The following CPE variants were observed in gnomAD, a reference collection of about 807,000 sequenced individuals.
The protein encoded by CPE is carboxypeptidase E, also known as carbocypeptidase E.
A neutral mutation model predicts 53.5 loss-of-function variants in CPE; 17 were observed. The observed-to-expected ratio is 0.32, with a 90% CI of 0.22 to 0.48. CPE has a LOEUF of 0.48. Among genes scored for constraint, CPE ranks in the 20% least tolerant of loss-of-function variants. CPE has a pLI of 0.99. For synonymous variants in CPE, 226 were observed against 228.8 expected, an observed-to-expected ratio of 0.99 and a Z score of 0.11; for missense variants, 524 against 614.7, an observed-to-expected ratio of 0.85 and a Z score of 1.56.
intron 1 of CPE, chr4:165,405,623 T>G (rs1730940822): frequency 1.3e-6 from 1 of 788,490 alleles, no homozygotes; most frequent in Admixed American, 1.7e-5. Context: ...AGCTAGTCCT[T>G]TGGGAAAGTA....
At chr4:165,470,876 G>T (rs909588046) in intron 3 of CPE, among the ~76,000 whole-genome samples, 1 of 152,094 alleles carries the variant, frequency 6.6e-6, no homozygotes, top group African/African-American at 2.4e-5. Flanking sequence ...GGCTCCATGG[G>T]TTGGTAAAAA....
chr4:165,484,138 G>A (rs1732462976), intron 4 of CPE, among the ~76,000 whole-genome samples: 1 of 151,854 alleles, frequency 6.6e-6, no homozygotes, highest in Non-Finnish European at 1.5e-5. Context: ...ATTCTCCCAG[G>A]CCTAGTTTAC....
chr4:165,456,234 C>T (rs115819607), intron 1 of CPE, among the ~76,000 whole-genome samples: 2 of 151,978 alleles, frequency 1.3e-5, no homozygotes, highest in South Asian at 4.1e-4. Flanking sequence ...AAATTTTCTT[C>T]ATTGATTTAT....
chr4:165,415,313 G>A (rs11732583), intron 1 of CPE: 49,318 of 166,794 alleles, frequency 0.3, 7,499 homozygotes, highest in Middle Eastern at 0.4. Context: ...GTGTCAGAAC[G>A]GATTTGGATT....
intron 1 of CPE, among the ~76,000 whole-genome samples, chr4:165,438,157 G>A (rs888998038): frequency 1.3e-5 from 2 of 152,164 alleles, no homozygotes; most frequent in African/African-American, 2.4e-5. Context: ...GGCAAGATCA[G>A]TTCTGGAGGT....
chr4:165,400,027 T>TACA (rs1220361723), intron 1 of CPE, among the ~76,000 whole-genome samples: 2 of 152,224 alleles, frequency 1.3e-5, no homozygotes, highest in Non-Finnish European at 2.9e-5. Flanking sequence ...AAGTAGGTCT[T>TACA]TGGCCATATC....
At chr4:165,428,844 C>T (rs1310712960) in intron 1 of CPE, among the ~76,000 whole-genome samples, 1 of 152,154 alleles carries the variant, frequency 6.6e-6, no homozygotes. Context: ...TTAGAGCTCA[C>T]CCAGGTAATC....
chr4:165,423,248 A>T (rs144619289), intron 1 of CPE, among the ~76,000 whole-genome samples: 1,543 of 152,278 alleles, frequency 0.01, 76 homozygotes, highest in Admixed American at 0.083. Context: ...TATCGTTTTT[A>T]GGAATAGAAT....
chr4:165,488,464 C>G (rs1277203660), intron 6 of CPE, among the ~76,000 whole-genome samples: 1 of 152,168 alleles, frequency 6.6e-6, no homozygotes, highest in African/African-American at 2.4e-5. Context: ...AACCCCACCC[C>G]CTGCATAGTA....
chr4:165,380,254 A>G (rs1033387724), intron 1 of CPE, among the ~76,000 whole-genome samples: 1 of 152,220 alleles, frequency 6.6e-6, no homozygotes, highest in Non-Finnish European at 1.5e-5. Context: ...TTGAAACTGC[A>G]CAAGGCCTTT....
At chr4:165,393,519 T>C (rs1388140072) in intron 1 of CPE, among the ~76,000 whole-genome samples, 1 of 152,188 alleles carries the variant, frequency 6.6e-6, no homozygotes, top group Non-Finnish European at 1.5e-5. Context: ...TTATAGATGA[T>C]TAAGTTGAGC....
At chr4:165,388,152 CAA>C (rs1287024450) in intron 1 of CPE, among the ~76,000 whole-genome samples, 1 of 152,128 alleles carries the variant, frequency 6.6e-6, no homozygotes, top group Non-Finnish European at 1.5e-5. Context: ...ATGTTTTCTC[CAA>C]GAAATAGCTT....
intron 1 of CPE, among the ~76,000 whole-genome samples, chr4:165,420,288 T>G (rs188499465): frequency 6.6e-6 from 1 of 152,294 alleles, no homozygotes; most frequent in African/African-American, 2.4e-5. Context: ...TTATAACTTT[T>G]GTTTCTCAGA....
chr4:165,405,928 A>G (rs755567184), intron 1 of CPE: 9 of 730,566 alleles, frequency 1.2e-5, no homozygotes, highest in African/African-American at 3.5e-5. Context: ...CACTGATGGC[A>G]GTCACAACAG....
intron 1 of CPE, among the ~76,000 whole-genome samples, chr4:165,415,502 T>C (rs1731105247): frequency 6.6e-6 from 1 of 152,208 alleles, no homozygotes; most frequent in African/African-American, 2.4e-5. Context: ...TAATGACTAA[T>C]ACTTAAATTT....
rs79243610 is a variant in CPE, at chr4:165,451,962, A to G, written c.308-12428A>G. 7.7e-3 allele frequency among the ~76,000 whole-genome samples: 1,158 copies of G among 150,652 alleles called. 7 individuals are homozygous for G. The highest frequency in any genetic ancestry group is 0.013 in the Non-Finnish European group (877 of 67,820). On this transcript the variant is annotated intron_variant, in intron 1 of 8. Coordinates refer to ENST00000402744, the MANE Select transcript of CPE (RefSeq NM_001873.4). ...TTTTTCGTTTTTTTTAAACAATACT[A>G]TATTGCTACATGCCACTTTGGTCCT...
chr4:165,477,613 T>C (rs1732326673), intron 3 of CPE, among the ~76,000 whole-genome samples: 1 of 152,162 alleles, frequency 6.6e-6, no homozygotes. Flanking sequence ...TGTATTTGTA[T>C]CCCTTATAGA....
Position 165,482,236 on chromosome 4 carries a change from G to A in CPE, c.673-6G>A. 1 of 1,577,244 alleles carries A rather than the reference G, an allele frequency of 6.3e-7. No individual in the cohort carries two copies. The highest frequency in any genetic ancestry group is 8.7e-7 in the Non-Finnish European group (1 of 1,147,794). The stretch of plus-strand genomic sequence containing the variant: ...TTATAATCCTTTTAATCTCTCATCT[G>A]AACAGCTTGCTCCTGAGACCAAGGC... On this transcript the variant is annotated splice_polypyrimidine_tract_variant and splice_region_variant and intron_variant, in intron 3 of 8. Coordinates refer to ENST00000402744, the MANE Select transcript of CPE (RefSeq NM_001873.4).
At chr4:165,480,118 A>G (rs1732377504) in intron 3 of CPE, among the ~76,000 whole-genome samples, 1 of 152,184 alleles carries the variant, frequency 6.6e-6, no homozygotes, top group South Asian at 2.1e-4. Context: ...AGTTAATTAA[A>G]ATAATGCAAA....
Sources: gnomAD v4.1 joint callset for allele counts (sites outside exome capture counted in the v4.1 genomes callset) on GRCh38, gnomAD v4.1.1 for gene constraint, MANE v1.5 for transcripts, NCBI Gene and HGNC (gene_info 2026-07-23, HGNC 2026-07-21) for gene names.